Variants in WDPCP observed in about 807,000 individuals in gnomAD.
The protein encoded by WDPCP is WD repeat-containing and planar cell polarity effector protein fritz homolog.
WDPCP carries 71 observed loss-of-function variants against 93.1 expected under a neutral mutation model. That is an observed-to-expected ratio of 0.76 (90% confidence interval 0.63 to 0.93). The LOEUF (loss-of-function observed/expected upper bound fraction) is 0.93. Ranked by LOEUF, WDPCP falls within the 40% of genes least tolerant of loss-of-function variation. The pLI is 0.00. For missense variants in WDPCP, 844 were observed against 887.4 expected (o/e 0.95, Z 0.62); for synonymous variants, 315 against 315.0 (o/e 1.00, Z 0.00).
chr2:63,733,288 T>C (rs1032915169), intron 2 of WDPCP, among the ~76,000 whole-genome samples: 1 of 147,230 alleles, frequency 6.8e-6, no homozygotes, highest in Admixed American at 6.8e-5. Context: ...CAAGCTCCGC[T>C]TCCCGGGTTC....
At chr2:63,727,400 T>G (rs1454814060) in intron 2 of WDPCP, among the ~76,000 whole-genome samples, 1 of 152,248 alleles carries the variant, frequency 6.6e-6, no homozygotes, top group Admixed American at 6.5e-5. Flanking sequence ...TAAAGCCTAC[T>G]TGATCGTATT....
intron 3 of WDPCP, among the ~76,000 whole-genome samples, chr2:63,618,145 A>G (rs1161241965): frequency 1.3e-5 from 2 of 152,236 alleles, no homozygotes; most frequent in African/African-American, 2.4e-5. Context: ...CCTTTGAGTC[A>G]GAAATAAGAA....
chr2:63,486,723 C>A, intron 3 of WDPCP, 137 bp from the exon 4 acceptor site: 2 of 748,730 alleles, frequency 2.7e-6, no homozygotes, highest in Non-Finnish European at 4.2e-6. Context: ...ATAAATTATG[C>A]TTAGGTTCTA....
intron 3 of WDPCP, among the ~76,000 whole-genome samples, chr2:63,612,846 G>A (rs1284232937): frequency 6.6e-6 from 1 of 151,824 alleles, no homozygotes; most frequent in Non-Finnish European, 1.5e-5. Flanking sequence ...GGCCCGAGAT[G>A]GAGGCTAGGA....
chr2:63,470,917 C>G (rs1228178676), intron 6 of WDPCP, among the ~76,000 whole-genome samples: 1 of 152,262 alleles, frequency 6.6e-6, no homozygotes, highest in South Asian at 2.1e-4. Context: ...CTACCTGGAA[C>G]GCTCTTCCGC....
intron 2 of WDPCP, among the ~76,000 whole-genome samples, chr2:63,713,082 G>A (rs1273701745): frequency 6.6e-6 from 1 of 152,172 alleles, no homozygotes; most frequent in Non-Finnish European, 1.5e-5. Flanking sequence ...CAACATGGCA[G>A]GATCCACAAT....
chr2:63,828,764 T>C (rs969716912), upstream of WDPCP, among the ~76,000 whole-genome samples: 1 of 152,188 alleles, frequency 6.6e-6, no homozygotes, highest in African/African-American at 2.4e-5. Context: ...GTCTTCTTCC[T>C]ATTCAATCCA....
At chr2:63,299,532 T>C (rs1225348188) in intron 13 of WDPCP, among the ~76,000 whole-genome samples, 2 of 152,176 alleles carry the variant, frequency 1.3e-5, no homozygotes, top group African/African-American at 4.8e-5. Flanking sequence ...AAGGGGCTAT[T>C]AGTTCATGTG....
chr2:63,403,345 T>C lies in WDPCP; in HGVS notation c.1435+703A>G, dbSNP rs1309186381. 3.3e-5 allele frequency among the ~76,000 whole-genome samples: 5 copies of C among 152,070 alleles called. No homozygotes were observed. In the East Asian group the frequency reaches 9.6e-4, roughly 29 times the overall value. On this transcript the variant is annotated intron_variant, in intron 10 of 17. Transcript: ENST00000272321. ...GGTACTGGGCTTAATACCTGTGTGA[T>C]GAAATAATATGTACAGCAAACCCCC...
chr2:63,238,648 C>T (rs1679608971), intron 14 of WDPCP, among the ~76,000 whole-genome samples: 1 of 152,104 alleles, frequency 6.6e-6, no homozygotes, highest in Admixed American at 6.6e-5. Flanking sequence ...GGTTTAAAGA[C>T]ACACAACAAA....
intron 14 of WDPCP, among the ~76,000 whole-genome samples, chr2:63,206,581 A>G (rs1238957434): frequency 6.6e-6 from 1 of 152,010 alleles, no homozygotes; most frequent in Non-Finnish European, 1.5e-5. Context: ...GCCTCCTGAG[A>G]AGCTGGGAGT....
chr2:63,186,583 C>G (rs777640264), intron 14 of WDPCP, among the ~76,000 whole-genome samples: 3 of 152,204 alleles, frequency 2.0e-5, no homozygotes, highest in Non-Finnish European at 4.4e-5. Flanking sequence ...TTAGAAGGGC[C>G]GAGGTAGTTT....
At chr2:63,796,290 C>G (rs754023848) in intron 2 of WDPCP, among the ~76,000 whole-genome samples, 2 of 152,166 alleles carry the variant, frequency 1.3e-5, no homozygotes, top group Non-Finnish European at 2.9e-5. Flanking sequence ...AGTCTCGGAG[C>G]AGGAGGAGGT....
At chr2:63,528,063 GTTTA>G (rs747298367) in intron 1 of WDPCP, among the ~76,000 whole-genome samples, 31 of 152,086 alleles carry the variant, frequency 2.0e-4, no homozygotes, top group South Asian at 4.2e-4. Flanking sequence ...TTTTTCAGGG[GTTTA>G]TTTGTTTTTT....
intron 3 of WDPCP, among the ~76,000 whole-genome samples, chr2:63,606,527 C>T (rs1709533037): frequency 6.6e-6 from 1 of 152,194 alleles, no homozygotes; most frequent in South Asian, 2.1e-4. Context: ...AGATTCAGCT[C>T]TTCCCACTAG....
chr2:63,762,131 T>G (rs1479468591), intron 2 of WDPCP, among the ~76,000 whole-genome samples: 1 of 152,120 alleles, frequency 6.6e-6, no homozygotes, highest in Non-Finnish European at 1.5e-5. Flanking sequence ...ATGGCCCAAA[T>G]CAGTGCAAAT....
intron 2 of WDPCP, among the ~76,000 whole-genome samples, chr2:63,776,655 CAAAAAAAAAAA>C (rs778768889): frequency 1.9e-5 from 1 of 54,020 alleles, no homozygotes; most frequent in Admixed American, 2.3e-4. Context: ...GGCCCTGTCT[CAAAAAAAAAAA>C]AAAAAAAAAA....
intron 13 of WDPCP, among the ~76,000 whole-genome samples, chr2:63,283,498 C>T (rs1047086709): frequency 6.6e-6 from 1 of 152,184 alleles, no homozygotes; most frequent in South Asian, 2.1e-4. Flanking sequence ...TAGAACGTAG[C>T]CATACTTATT....
At chr2:63,749,990 G>A (rs1226011389) in intron 2 of WDPCP, among the ~76,000 whole-genome samples, 1 of 152,040 alleles carries the variant, frequency 6.6e-6, no homozygotes, top group East Asian at 1.9e-4. Context: ...GAACTTACTA[G>A]TTTGAAATAG....
Sources: gnomAD v4.1 joint callset for allele counts (sites outside exome capture counted in the v4.1 genomes callset) on GRCh38, gnomAD v4.1.1 for gene constraint, MANE v1.5 for transcripts, NCBI Gene and HGNC (gene_info 2026-07-23, HGNC 2026-07-21) for gene names.